CARHSP1: variants seen among roughly 807,000 people sequenced by gnomAD.
CARHSP1 encodes calcium-regulated heat-stable protein 1.
In CARHSP1, 14 loss-of-function variants were observed where a neutral mutation model predicts 12.5. The ratio of observed to expected loss-of-function variants is 1.12; its 90% CI spans 0.74 to 1.75. CARHSP1 has a LOEUF of 1.75. Ranked by LOEUF, CARHSP1 falls within the 40% of genes most tolerant of loss-of-function variation. CARHSP1 has a pLI of 0.00. For synonymous variants in CARHSP1, 161 were observed against 82.0 expected, an observed-to-expected ratio of 1.96 and a Z score of -5.20; for missense variants, 343 against 201.6, an observed-to-expected ratio of 1.70 and a Z score of -4.25.
chr16:8,868,515 C>G (rs1460876424), intron 1 of CARHSP1: 2 of 148,396 alleles, frequency 1.3e-5, no homozygotes, highest in African/African-American at 4.9e-5. Flanking sequence ...CCCGCCGGGC[C>G]TGGCCGCCGT....
At chr16:8,858,670 ACCCTGGCCAATTTT>A in intron 2 of CARHSP1, 198 bp from the exon 3 acceptor site, 1 of 590,856 alleles carries the variant, frequency 1.7e-6, no homozygotes, top group South Asian at 2.5e-5. Flanking sequence ...TCTTTGGATG[ACCCTGGCCAATTTT>A]CTCGGGCCTG....
At chr16:8,861,591 C>A (rs1250779108) in intron 1 of CARHSP1, 1 of 1,285,386 alleles carries the variant, frequency 7.8e-7, no homozygotes, top group Non-Finnish European at 1.0e-6. Context: ...TTGCTGCACT[C>A]TCCCGTTGGG....
rs1679372176 is a variant in CARHSP1 at position 8,858,702 on chromosome 16, TCCTGGAAAGAGGG to T, written c.159-243_159-231del. 2.4e-5 allele frequency: 13 copies of T among 539,542 alleles called. No homozygotes were observed. In the South Asian group the frequency reaches 2.9e-4, roughly 12 times the overall value. 33.4% of individuals were successfully genotyped at this position (539,542 alleles called of 1,614,324 possible). A position where few individuals can be genotyped will look rare whatever the true frequency, so the allele number is the denominator to read the frequency against. ...CCAATTTTCTCGGGCCTGTTTTCCC[TCCTGGAAAGAGGG>T]AGTTGAACTAAAACATCACTGAACA... On this transcript the variant is annotated intron_variant, in intron 2 of 3. Coordinates refer to ENST00000311052, the MANE Select transcript of CARHSP1 (RefSeq NM_014316.4).
At chr16:8,857,743 C>G (rs1010957206) in intron 3 of CARHSP1, 1 of 146,982 alleles carries the variant, frequency 6.8e-6, no homozygotes, top group Non-Finnish European at 1.5e-5. Flanking sequence ...GCACCTGTCA[C>G]CACGCCCTGC....
chr16:8,866,380 C>A (rs1391204497), intron 1 of CARHSP1: 1 of 946,118 alleles, frequency 1.1e-6, no homozygotes, highest in Non-Finnish European at 1.3e-6. Flanking sequence ...AGGGAAATGG[C>A]GCAGGGATCG....
chr16:8,857,341 G>A (rs1281770320), intron 3 of CARHSP1: 1 of 129,672 alleles, frequency 7.7e-6, no homozygotes, highest in Non-Finnish European at 1.6e-5. Flanking sequence ...GCAGTGCAAT[G>A]GCGCGATCTC....
chr16:8,854,158 T>G lies in CARHSP1; in HGVS notation c.*1006A>C, dbSNP rs187869321. Reference sequence around the variant, plus strand: ...CGGCTCTGGGTGAAAGCTTTAGTTATGAAAAATAAGAAAAAAAAAATCCCT... The same window carrying G: ...CGGCTCTGGGTGAAAGCTTTAGTTAGGAAAAATAAGAAAAAAAAAATCCCT... On this transcript the variant is annotated 3_prime_UTR_variant, in exon 4 of 4. Transcript: ENST00000311052. 6.6e-6 allele frequency: 1 copy of G among 151,462 alleles called. No homozygotes were observed. Among genetic ancestry groups the G allele is most frequent in the East Asian group, 1.9e-4 (1 of 5,170 alleles). The allele number at this position is 151,462 out of a possible 1,614,324, so 9.4% of individuals were successfully genotyped here.
chr16:8,855,197 A>G lies in CARHSP1; in HGVS notation c.411T>C (p.His137=), dbSNP rs2061057646. 2 of 1,612,072 alleles carry G rather than the reference A, an allele frequency of 1.2e-6. No individual in the cohort carries two copies. The highest frequency in any genetic ancestry group is 2.7e-5 in the African/African-American group (2 of 74,974). The change falls in exon 4 of 4, where the codon CAT becomes CAC. Residue 137 remains histidine (H), a synonymous_variant. Coordinates refer to ENST00000311052, the MANE Select transcript of CARHSP1 (RefSeq NM_014316.4). ...TGATGACATGTCCAGACCAGGTCTC[A>G]TGCTTGGTGCCTGGTGCCAGGTGAG... ...VITHLAPGTK[H]ETWSGHVISS
intron 1 of CARHSP1, among the ~76,000 whole-genome samples, chr16:8,864,772 G>A (rs1567190446): frequency 1.3e-5 from 2 of 152,220 alleles, no homozygotes; most frequent in Non-Finnish European, 1.5e-5. Context: ...CTGCCCCAGG[G>A]ATGGGTGTGT....
intron 2 of CARHSP1, 78 bp downstream of exon 2, chr16:8,859,093 G>A: frequency 8.6e-6 from 12 of 1,389,408 alleles, no homozygotes; most frequent in Non-Finnish European, 1.2e-5. Flanking sequence ...GCCCAAAAAT[G>A]GCCAGAGACA....
In CARHSP1 at chr16:8,855,356, C is replaced by T. The variant is rs199763505; in HGVS notation, c.282-30G>A. 977 of 1,487,878 alleles carry T rather than the reference C, an allele frequency of 6.6e-4. 1 individual carries two copies. Among genetic ancestry groups the T allele is most frequent in the Non-Finnish European group, 8.4e-4 (933 of 1,107,824 alleles). The allele number at this position is 1,487,878 out of a possible 1,614,324, so 92.2% of individuals were successfully genotyped here. On this transcript the variant is annotated intron_variant, in intron 3 of 3. Coordinates refer to ENST00000311052, the MANE Select transcript of CARHSP1 (RefSeq NM_014316.4). ...GGGGGCATAAATAAAGCAGTCAGGG[C>T]TCACACCGGGACACAGCTCCCTTCC...
intron 1 of CARHSP1, chr16:8,861,589 C>G (rs2061356757): frequency 7.8e-7 from 1 of 1,283,488 alleles, no homozygotes. Context: ...CATTGCTGCA[C>G]TCTCCCGTTG....
At chr16:8,855,698 T>A (rs1015998676) in intron 3 of CARHSP1, among the ~76,000 whole-genome samples, 1 of 152,208 alleles carries the variant, frequency 6.6e-6, no homozygotes, top group Admixed American at 6.5e-5. Flanking sequence ...AAGGCCATCA[T>A]GGAGTGAGAA....
chr16:8,855,617 G>A (rs4985055), intron 3 of CARHSP1, among the ~76,000 whole-genome samples: 22,375 of 152,232 alleles, frequency 0.15, 1,703 homozygotes, highest in East Asian at 0.22. Context: ...GACATGAAAT[G>A]TGGGAGGGAG....
intron 3 of CARHSP1, chr16:8,857,544 C>T (rs1241352203): frequency 3.4e-5 from 5 of 148,794 alleles, no homozygotes; most frequent in Admixed American, 6.8e-5. Flanking sequence ...CGCCTGCCTC[C>T]GCCTCCCAAA....
In CARHSP1 at chr16:8,854,345, G is replaced by A. The variant is rs909175941; in HGVS notation, c.*819C>T. On this transcript the variant is annotated 3_prime_UTR_variant, in exon 4 of 4. Transcript: ENST00000311052. The stretch of plus-strand genomic sequence containing the variant: ...AACAAAGACTGTGTCCTCTCCACAA[G>A]CCCTTCCCACCACCACCACCCCAGC... The A allele has an allele frequency of 1.3e-5, 2 of 152,072 alleles. No homozygotes were observed. Among genetic ancestry groups the A allele is most frequent in the African/African-American group, 2.4e-5 (1 of 41,404 alleles). The allele number at this position is 152,072 out of a possible 1,614,324, so 9.4% of individuals were successfully genotyped here.
intron 2 of CARHSP1, chr16:8,858,923 G>C (rs1049828267): frequency 1.5e-5 from 7 of 453,240 alleles, no homozygotes; most frequent in Non-Finnish European, 2.4e-5. Context: ...AAAGCCCAGC[G>C]ATTCTGACCC....
At position 8,860,436 on chromosome 16, in the gene CARHSP1, CAAT is replaced by C. The variant is rs528140269; in HGVS notation, c.-7-1104_-7-1102del. ...TCAAGAGCAGGACACTCGCTGTACA[CAAT>C]AATCACTGAACATTGAATATGAAGG... On this transcript the variant is annotated intron_variant, in intron 1 of 3. Transcript: ENST00000311052. The C allele has an allele frequency of 2.3e-3, 2,304 of 985,398 alleles. 3 individuals carry two copies. The highest frequency in any genetic ancestry group is 2.7e-3 in the Non-Finnish European group (2,206 of 829,930). 61.0% of individuals were successfully genotyped at this position (985,398 alleles called of 1,614,324 possible). A position where few individuals can be genotyped will look rare whatever the true frequency, so the allele number is the denominator to read the frequency against.
chr16:8,861,836 G>A (rs1223893966), intron 1 of CARHSP1: 7 of 1,194,314 alleles, frequency 5.9e-6, no homozygotes, highest in African/African-American at 1.6e-5. Flanking sequence ...TTCCAGGAAA[G>A]AGGCTGGCCC....
Sources: gnomAD v4.1 joint callset for allele counts (sites outside exome capture counted in the v4.1 genomes callset) on GRCh38, gnomAD v4.1.1 for gene constraint, MANE v1.5 for transcripts, NCBI Gene and HGNC (gene_info 2026-07-23, HGNC 2026-07-21) for gene names.